Variants in SGCD observed in about 807,000 individuals in gnomAD.
SGCD encodes delta-sarcoglycan.
Under a neutral mutation model 36.6 loss-of-function variants are expected in SGCD, and 18 were observed. The ratio of observed to expected loss-of-function variants is 0.49; its 90% CI spans 0.34 to 0.73. SGCD has a LOEUF of 0.73. Ranked by LOEUF, SGCD falls within the 30% of genes least tolerant of loss-of-function variation. The pLI is 0.01. For missense variants in SGCD, 387 were observed against 346.7 expected (o/e 1.12, Z -0.92); for synonymous variants, 133 against 130.6 (o/e 1.02, Z -0.12).
At chr5:155,920,838 T>G (rs115585916) in intron 1 of SGCD, among the ~76,000 whole-genome samples, 1 of 151,832 alleles carries the variant, frequency 6.6e-6, no homozygotes, top group Non-Finnish European at 1.5e-5. Flanking sequence ...GACAGTGGGG[T>G]GGATAGGTCA....
chr5:155,944,722 A>T (rs1394994553), intron 1 of SGCD, among the ~76,000 whole-genome samples: 2 of 152,190 alleles, frequency 1.3e-5, no homozygotes, highest in East Asian at 3.9e-4. Flanking sequence ...AGTGGCAAAG[A>T]CAGATAATCT....
At chr5:156,494,309 A>T (rs1756079245) in intron 3 of SGCD, among the ~76,000 whole-genome samples, 2 of 148,868 alleles carry the variant, frequency 1.3e-5, no homozygotes, top group African/African-American at 2.5e-5. Flanking sequence ...CTGGACTCAA[A>T]AAACTCTTTT....
chr5:156,535,331 T>A (rs1290912025), intron 4 of SGCD, among the ~76,000 whole-genome samples: 1 of 152,202 alleles, frequency 6.6e-6, no homozygotes, highest in Non-Finnish European at 1.5e-5. Context: ...ATGCTGCTCA[T>A]ATTCCATGAA....
intron 2 of SGCD, among the ~76,000 whole-genome samples, chr5:156,119,337 T>G (rs1350402809): frequency 6.6e-6 from 1 of 152,166 alleles, no homozygotes; most frequent in Non-Finnish European, 1.5e-5. Flanking sequence ...GGGTCAGTTC[T>G]GAGTTTGAAT....
chr5:156,068,540 G>A (rs554169999), intron 1 of SGCD, among the ~76,000 whole-genome samples: 1 of 151,914 alleles, frequency 6.6e-6, no homozygotes, highest in Admixed American at 6.5e-5. Context: ...CATTTGGGTT[G>A]GTTCCAAGTC....
At chr5:155,979,956 T>C (rs577466848) in intron 1 of SGCD, among the ~76,000 whole-genome samples, 1 of 152,260 alleles carries the variant, frequency 6.6e-6, no homozygotes, top group South Asian at 2.1e-4. Flanking sequence ...GGTGGGGCCA[T>C]TGATAACACT....
At chr5:156,029,668 A>T (rs1435206065) in intron 1 of SGCD, among the ~76,000 whole-genome samples, 1 of 152,160 alleles carries the variant, frequency 6.6e-6, no homozygotes, top group Non-Finnish European at 1.5e-5. Flanking sequence ...TAGAGAAGAG[A>T]CCAAACAATG....
At chr5:155,880,746 C>T (rs74545702) in intron 1 of SGCD, among the ~76,000 whole-genome samples, 15,548 of 152,050 alleles carry the variant, frequency 0.1, 1,092 homozygotes, top group Non-Finnish European at 0.15. Context: ...CCTGGATTTG[C>T]ATTTGCATTC....
At chr5:156,497,590 A>G (rs1346167375) in intron 3 of SGCD, among the ~76,000 whole-genome samples, 1 of 151,062 alleles carries the variant, frequency 6.6e-6, no homozygotes, top group Admixed American at 6.6e-5. Context: ...CATATGTATA[A>G]TGCTCTCTAG....
At chr5:156,020,519 C>G (rs1255474463) in intron 1 of SGCD, among the ~76,000 whole-genome samples, 1 of 151,764 alleles carries the variant, frequency 6.6e-6, no homozygotes, top group African/African-American at 2.4e-5. Context: ...TTTTTTTAAT[C>G]TGTTAAAACA....
the SGCD span, among the ~76,000 whole-genome samples, chr5:155,812,072 A>G: frequency 1.3e-5 from 2 of 152,374 alleles, no homozygotes; most frequent in South Asian, 2.1e-4. Flanking sequence ...AAAGCTGGTT[A>G]CAAACAATCC....
intron 3 of SGCD, among the ~76,000 whole-genome samples, chr5:156,268,336 T>A (rs958002705): frequency 6.6e-6 from 1 of 152,214 alleles, no homozygotes; most frequent in Non-Finnish European, 1.5e-5. Flanking sequence ...TTTATATTCC[T>A]CTGGGATTTT....
At chr5:156,597,637 A>T (rs571390260) in intron 6 of SGCD, among the ~76,000 whole-genome samples, 1 of 152,240 alleles carries the variant, frequency 6.6e-6, no homozygotes, top group East Asian at 1.9e-4. Context: ...GTCGGTGAGG[A>T]TTTGAAAGGG....
the SGCD span, among the ~76,000 whole-genome samples, chr5:155,841,156 G>GA: frequency 2.6e-5 from 4 of 152,094 alleles, no homozygotes; most frequent in African/African-American, 9.7e-5. Flanking sequence ...AAGGGTCACT[G>GA]AAAATCAATG....
intron 3 of SGCD, among the ~76,000 whole-genome samples, chr5:156,500,468 GT>G (rs1247342947): frequency 3.3e-5 from 5 of 152,134 alleles, no homozygotes; most frequent in African/African-American, 7.2e-5. Flanking sequence ...CTTGAGACTT[GT>G]TTGTTAAAAC....
chr5:156,156,346 T>C (rs1455741531), intron 3 of SGCD, among the ~76,000 whole-genome samples: 1 of 151,538 alleles, frequency 6.6e-6, no homozygotes, highest in East Asian at 1.9e-4. Flanking sequence ...AAAACAGCTG[T>C]GGCTGGGCAC....
intron 3 of SGCD, among the ~76,000 whole-genome samples, chr5:156,131,913 C>G (rs992806544): frequency 3.3e-5 from 5 of 152,328 alleles, no homozygotes; most frequent in South Asian, 2.1e-4. Context: ...TTATTTTCTT[C>G]ATGACTTCAG....
chr5:156,085,507 G>A (rs1180165758), intron 1 of SGCD, among the ~76,000 whole-genome samples: 1 of 152,166 alleles, frequency 6.6e-6, no homozygotes, highest in African/African-American at 2.4e-5. Flanking sequence ...CACCCCAGAA[G>A]CTGAGAAGAT....
intron 7 of SGCD, among the ~76,000 whole-genome samples, chr5:156,713,885 C>A (rs1310540023): frequency 6.6e-6 from 1 of 152,212 alleles, no homozygotes. Flanking sequence ...TAATCCTAAT[C>A]CCTTCACCAA....
Sources: gnomAD v4.1 joint callset for allele counts (sites outside exome capture counted in the v4.1 genomes callset) on GRCh38, gnomAD v4.1.1 for gene constraint, MANE v1.5 for transcripts, NCBI Gene and HGNC (gene_info 2026-07-23, HGNC 2026-07-21) for gene names.